The following CDH13 variants were observed in gnomAD, a reference collection of about 807,000 sequenced individuals.
The protein encoded by CDH13 is cadherin-13.
A neutral mutation model predicts 63.8 loss-of-function variants in CDH13; 24 were observed. That is an observed-to-expected ratio of 0.38 (90% CI 0.27 to 0.53). CDH13 has a LOEUF of 0.53. Among genes scored for constraint, CDH13 ranks in the 20% least tolerant of loss-of-function variants. The pLI, the probability that CDH13 is intolerant of heterozygous loss-of-function variation, is 0.85. For synonymous variants in CDH13, 503 were observed against 355.3 expected, an observed-to-expected ratio of 1.42 and a Z score of -4.67; for missense variants, 1,049 against 903.1, an observed-to-expected ratio of 1.16 and a Z score of -2.07.
At chr16:82,665,530 A>G (rs963380767) in intron 1 of CDH13, among the ~76,000 whole-genome samples, 2 of 152,210 alleles carry the variant, frequency 1.3e-5, no homozygotes, top group East Asian at 3.9e-4. Flanking sequence ...AGTACCATAA[A>G]TAAGAGAATC....
intron 1 of CDH13, among the ~76,000 whole-genome samples, chr16:82,646,808 C>T (rs984131048): frequency 6.6e-6 from 1 of 152,010 alleles, no homozygotes; most frequent in Admixed American, 6.6e-5. Flanking sequence ...TGCAATTAAG[C>T]CAGAGAGAGG....
At chr16:83,734,340 C>G (rs1472683307) in intron 10 of CDH13, among the ~76,000 whole-genome samples, 3 of 152,280 alleles carry the variant, frequency 2.0e-5, no homozygotes, top group South Asian at 2.1e-4. Flanking sequence ...TAATCGGGTG[C>G]TGCTGCAGCC....
At chr16:82,833,408 G>A (rs1232790440) in intron 1 of CDH13, among the ~76,000 whole-genome samples, 1 of 152,174 alleles carries the variant, frequency 6.6e-6, no homozygotes, top group Non-Finnish European at 1.5e-5. Context: ...GTGGCGTGGG[G>A]ACTCAAAGCC....
intron 6 of CDH13, among the ~76,000 whole-genome samples, chr16:83,484,752 A>G (rs192447576): frequency 1.1e-3 from 173 of 152,300 alleles, no homozygotes; most frequent in African/African-American, 3.8e-3. Context: ...CCTGTAAAAC[A>G]TGTGAATAAA....
chr16:83,042,638 C>G (rs1917425903), intron 3 of CDH13, among the ~76,000 whole-genome samples: 3 of 152,192 alleles, frequency 2.0e-5, no homozygotes, highest in Non-Finnish European at 4.4e-5. Flanking sequence ...GAAAAATTGT[C>G]TTCCATGAAA....
chr16:83,214,712 C>A (rs969157403), intron 4 of CDH13, among the ~76,000 whole-genome samples: 1 of 150,738 alleles, frequency 6.6e-6, no homozygotes, highest in Admixed American at 6.6e-5. Flanking sequence ...CTTTGATTAA[C>A]TGAGCTCCTT....
chr16:83,594,096 G>A (rs1199284842), intron 7 of CDH13, among the ~76,000 whole-genome samples: 1 of 152,178 alleles, frequency 6.6e-6, no homozygotes, highest in South Asian at 2.1e-4. Flanking sequence ...ATTTGTCTAA[G>A]GAAGGCTCCA....
At chr16:83,094,637 G>C (rs1437475342) in intron 3 of CDH13, among the ~76,000 whole-genome samples, 1 of 152,186 alleles carries the variant, frequency 6.6e-6, no homozygotes, top group Admixed American at 6.5e-5. Context: ...CTTCCCAGTG[G>C]CTGAAAGAAT....
At chr16:82,816,092 G>A (rs1042418870) in intron 1 of CDH13, among the ~76,000 whole-genome samples, 13 of 152,152 alleles carry the variant, frequency 8.5e-5, no homozygotes, top group African/African-American at 3.1e-4. Flanking sequence ...TACGGAGGAT[G>A]AGCCTTGCAA....
intron 5 of CDH13, among the ~76,000 whole-genome samples, chr16:83,275,055 A>C (rs1275924076): frequency 6.6e-6 from 1 of 152,068 alleles, no homozygotes; most frequent in Non-Finnish European, 1.5e-5. Flanking sequence ...GTCACTTCCC[A>C]CTATTATACA....
At chr16:83,480,911 G>A (rs1346967045) in intron 6 of CDH13, among the ~76,000 whole-genome samples, 3 of 152,202 alleles carry the variant, frequency 2.0e-5, no homozygotes, top group Non-Finnish European at 2.9e-5. Flanking sequence ...AGCTGCTGCT[G>A]GTCTAAGGCT....
At chr16:82,854,912 G>C (rs1366294072) in intron 1 of CDH13, among the ~76,000 whole-genome samples, 1 of 152,030 alleles carries the variant, frequency 6.6e-6, no homozygotes, top group African/African-American at 2.4e-5. Flanking sequence ...CTTTCTCATT[G>C]CTTTGGACAA....
At chr16:83,767,182 A>G (rs544032550) in intron 11 of CDH13, among the ~76,000 whole-genome samples, 8 of 151,894 alleles carry the variant, frequency 5.3e-5, no homozygotes, top group African/African-American at 1.9e-4. Flanking sequence ...ATTTTGTAAC[A>G]TGTATATCTA....
chr16:83,574,365 C>T (rs1393389512), intron 7 of CDH13, among the ~76,000 whole-genome samples: 2 of 152,176 alleles, frequency 1.3e-5, no homozygotes, highest in African/African-American at 4.8e-5. Context: ...GTTTGACTAC[C>T]TAGCTCCAAG....
At chr16:83,590,945 T>C (rs1906683350) in intron 7 of CDH13, among the ~76,000 whole-genome samples, 2 of 141,424 alleles carry the variant, frequency 1.4e-5, no homozygotes, top group African/African-American at 5.3e-5. Flanking sequence ...AGTTTCGCTC[T>C]CGTTGCCCAG....
At chr16:82,854,496 G>T (rs1306057430) in intron 1 of CDH13, among the ~76,000 whole-genome samples, 1 of 152,016 alleles carries the variant, frequency 6.6e-6, no homozygotes, top group Non-Finnish European at 1.5e-5. Context: ...TTAGCTTTTG[G>T]GGAAGTCCTA....
chr16:83,766,559 C>T (rs139506452), intron 11 of CDH13, among the ~76,000 whole-genome samples: 5 of 152,336 alleles, frequency 3.3e-5, no homozygotes, highest in African/African-American at 1.2e-4. Flanking sequence ...CTCATAACTT[C>T]CAAGGTAAGA....
At chr16:83,090,161 A>C (rs761780692) in intron 3 of CDH13, among the ~76,000 whole-genome samples, 1 of 152,086 alleles carries the variant, frequency 6.6e-6, no homozygotes, top group African/African-American at 2.4e-5. Flanking sequence ...CAGCTTCTCC[A>C]CTTCTCTCCA....
At chr16:82,827,306 G>A (rs778152311) in intron 1 of CDH13, among the ~76,000 whole-genome samples, 42 of 152,092 alleles carry the variant, frequency 2.8e-4, no homozygotes, top group Non-Finnish European at 5.6e-4. Context: ...ATAATGTATT[G>A]TTTGGCCATA....
Sources: allele counts gnomAD v4.1 joint callset (sites outside exome capture counted in the v4.1 genomes callset), GRCh38; gene constraint gnomAD v4.1.1; transcripts MANE v1.5; gene names NCBI Gene and HGNC (gene_info 2026-07-23, HGNC 2026-07-21).